SOX5: variants seen among roughly 807,000 people sequenced by gnomAD.
The protein encoded by SOX5 is SRY-box transcription factor 5, also known as transcription factor SOX-5.
In SOX5, 9 loss-of-function variants were observed where a neutral mutation model predicts 92.0. That is an observed-to-expected ratio of 0.10 (90% CI 0.06 to 0.17). The LOEUF (loss-of-function observed/expected upper bound fraction) is 0.17, where lower values mean the gene tolerates loss of function less well. Among genes scored for constraint, SOX5 ranks in the 10% least tolerant of loss-of-function variants. The pLI is 1.00. For synonymous variants in SOX5, 344 were observed against 336.3 expected, an observed-to-expected ratio of 1.02 and a Z score of -0.25; for missense variants, 642 against 944.5, an observed-to-expected ratio of 0.68 and a Z score of 4.20.
intron 3 of SOX5, among the ~76,000 whole-genome samples, chr12:24,220,205 G>A (rs61909893): frequency 0.13 from 19,234 of 151,732 alleles, 1,300 homozygotes; most frequent in African/African-American, 0.16. Flanking sequence ...ACTAGATATA[G>A]AAGATAGTAT....
Position 24,015,777 on chromosome 12 carries a change from G to T in SOX5, c.-1-119753C>A, listed in dbSNP as rs11047209. ...TGCAACTCTGACATCAAAAAAGGGC[G>T]CCCAAAAGGAGGACAGCTAGTTAAT... On this transcript the variant is annotated intron_variant, in intron 4 of 4. Transcript: ENST00000446891. Among the ~76,000 whole-genome samples, 17 of 151,950 alleles carry T rather than the reference G, an allele frequency of 1.1e-4. No homozygotes were observed. The South Asian group carries it at 3.5e-3, about 32-fold the overall frequency.
intron 1 of SOX5, among the ~76,000 whole-genome samples, chr12:23,899,431 A>T (rs1595486019): frequency 6.6e-6 from 1 of 151,794 alleles, no homozygotes; most frequent in East Asian, 1.9e-4. Context: ...AAGGCACCAC[A>T]AGTGTGCATA....
At position 24,025,274 on chromosome 12, in the gene SOX5, C is replaced by A. The variant is rs185328249; in HGVS notation, c.-1-129250G>T. The stretch of plus-strand genomic sequence containing the variant: ...GAAATACACAGATTGTAATCCAAAG[C>A]GGAGGCCACCAGAAATCTGAGATCC... On this transcript the variant is annotated intron_variant, in intron 4 of 4. Coordinates refer to the SOX5 transcript ENST00000446891. 1.2e-3 allele frequency among the ~76,000 whole-genome samples: 179 copies of A among 151,954 alleles called. 1 individual carries two copies. The highest frequency in any genetic ancestry group is 4.1e-3 in the African/African-American group (171 of 41,470).
rs1940500287 is a variant in SOX5 at position 23,536,478 on chromosome 12, C to T, written c.1963G>A (p.Glu655Lys). The T allele has an allele frequency of 6.2e-7, 1 of 1,614,082 alleles. No individual in the cohort carries two copies. The highest frequency in any genetic ancestry group is 8.5e-7 in the Non-Finnish European group (1 of 1,180,002). ...YKAIMRNRRQ[E>K]MRQYFNVGQQ... The stretch of plus-strand genomic sequence containing the variant: ...CCAACATTGAAGTACTGCCGCATTT[C>T]CTGCCGCCTGTTGCGCATGATTGCC... Residue 655 changes from glutamate (E) to lysine (K), a missense_variant, in exon 14 of 15, where the codon GAA (glutamate) becomes AAA (lysine). Coordinates refer to ENST00000451604, the MANE Select transcript of SOX5 (RefSeq NM_006940.6).
In SOX5 at chr12:23,949,577, G is replaced by C; in HGVS notation, c.25C>G (p.Gln9Glu). Residue 9 changes from glutamine (Q) to glutamate (E), a missense_variant, in exon 1 of 15, where the codon CAG (glutamine) becomes GAG (glutamate). By Grantham distance (29) the Gln-to-Glu change is conservative. Around this residue, in one of 8 missense-constraint regions of SOX5, gnomAD observed 113 missense variants for 117.7 expected, o/e 0.96. Coordinates refer to ENST00000451604, the MANE Select transcript of SOX5 (RefSeq NM_006940.6). MLTDPDLP[Q>E]EFERMSSKRP... ...AACTGTACTCACCTTTCAAACTCCTGAGGTAAATCAGGGTCAGTAAGCATG... is the reference window on the plus strand; with the variant it reads ...AACTGTACTCACCTTTCAAACTCCTCAGGTAAATCAGGGTCAGTAAGCATG... The C allele has an allele frequency of 6.2e-7, 1 of 1,613,686 alleles. No homozygotes were observed. Among genetic ancestry groups the C allele is most frequent in the Non-Finnish European group, 8.5e-7 (1 of 1,179,630 alleles).
chr12:24,337,958 GT>G (rs1952098536), intron 2 of SOX5, among the ~76,000 whole-genome samples: 1 of 152,058 alleles, frequency 6.6e-6, no homozygotes, highest in South Asian at 2.1e-4. Flanking sequence ...TAAAAGATGA[GT>G]TTTTCTTCTA....
At chr12:23,949,720 C>G (rs1945229349), upstream of SOX5, 19 of 1,258,532 alleles carry the variant, frequency 1.5e-5, no homozygotes, top group African/African-American at 1.0e-4. Flanking sequence ...TCTTCCCCCC[C>G]TCCCTCCCTC....
At position 24,450,492 on chromosome 12, in the gene SOX5, T is replaced by TGA. The variant is rs1202560792; in HGVS notation, c.-250-81854_-250-81853insTC. Reference sequence around the variant, plus strand: ...TTATTTTATTTATTTATTTATTTATTTATTTATTTATTTATTTATTGAGAC... The same window carrying TGA: ...TTATTTTATTTATTTATTTATTTATTGATATTTATTTATTTATTTATTGAGAC... On this transcript the variant is annotated intron_variant, in intron 1 of 4. Coordinates refer to the SOX5 transcript ENST00000446891. Among the ~76,000 whole-genome samples the TGA allele has an allele frequency of 4.0e-3, 601 of 151,294 alleles. 6 individuals are homozygous for TGA. The highest frequency in any genetic ancestry group is 0.014 in the African/African-American group (571 of 41,360).
At chr12:24,042,674 A>C (rs942608905) in intron 4 of SOX5, among the ~76,000 whole-genome samples, 5 of 152,128 alleles carry the variant, frequency 3.3e-5, no homozygotes, top group African/African-American at 1.2e-4. Context: ...ACAAAAAATT[A>C]CTTCCTTTTA....
At chr12:24,265,678 G>C (rs1230749777) in intron 3 of SOX5, among the ~76,000 whole-genome samples, 1 of 152,168 alleles carries the variant, frequency 6.6e-6, no homozygotes, top group African/African-American at 2.4e-5. Context: ...CAATTGAGAA[G>C]AATAAATTTT....
At chr12:23,998,514 G>A (rs1456952578) in intron 4 of SOX5, among the ~76,000 whole-genome samples, 2 of 151,898 alleles carry the variant, frequency 1.3e-5, no homozygotes, top group African/African-American at 2.4e-5. Flanking sequence ...AGGAAAAAAA[G>A]GGGCTAAAGG....
intron 4 of SOX5, among the ~76,000 whole-genome samples, chr12:24,068,747 T>TATATATATACAC (rs1405470591): frequency 1.4e-5 from 1 of 71,550 alleles, no homozygotes; most frequent in African/African-American, 5.3e-5. Context: ...TATATATATA[T>TATATATATACAC]ACACACACAC....
At chr12:23,563,223 G>A (rs1477099893) in intron 11 of SOX5, 35 bp downstream of exon 11, 4 of 1,522,576 alleles carry the variant, frequency 2.6e-6, no homozygotes, top group Admixed American at 1.9e-5. Flanking sequence ...ATTTAATTAA[G>A]TATTTCTAGA....
chr12:24,523,663 C>T (rs974511449), intron 1 of SOX5, among the ~76,000 whole-genome samples: 3 of 152,112 alleles, frequency 2.0e-5, no homozygotes, highest in Non-Finnish European at 2.9e-5. Flanking sequence ...TCAGAAAAAT[C>T]GTGCTGGGAA....
chr12:23,893,723 G>A (rs2097151406), intron 2 of SOX5, among the ~76,000 whole-genome samples: 1 of 152,128 alleles, frequency 6.6e-6, no homozygotes, highest in South Asian at 2.1e-4. Context: ...ATTAAAAGTG[G>A]AAAAGGCATA....
intron 8 of SOX5, among the ~76,000 whole-genome samples, chr12:23,627,437 C>A (rs746388826): frequency 6.6e-6 from 1 of 152,102 alleles, no homozygotes; most frequent in Non-Finnish European, 1.5e-5. Flanking sequence ...CTTTATACTG[C>A]AGAATATAAT....
intron 7 of SOX5, among the ~76,000 whole-genome samples, chr12:23,646,263 C>T (rs977893521): frequency 2.6e-5 from 4 of 152,166 alleles, no homozygotes; most frequent in Admixed American, 2.6e-4. Flanking sequence ...CATCCTTGAC[C>T]TCCTGGTCTC....
chr12:24,513,581 A>T (rs1190496680), intron 1 of SOX5, among the ~76,000 whole-genome samples: 1 of 152,202 alleles, frequency 6.6e-6, no homozygotes, highest in African/African-American at 2.4e-5. Context: ...TCTTTACATA[A>T]TTTGTTAATA....
chr12:24,223,514 G>A (rs1961038794), intron 3 of SOX5, among the ~76,000 whole-genome samples: 3 of 152,142 alleles, frequency 2.0e-5, no homozygotes, highest in Admixed American at 2.0e-4. Context: ...AGTACTTTGT[G>A]AGTCCAAGGC....
Sources: gnomAD v4.1 joint callset for allele counts (sites outside exome capture counted in the v4.1 genomes callset) on GRCh38, gnomAD v4.1.1 for gene constraint, gnomAD v4.1.1 regional missense constraint, MANE v1.5 for transcripts, NCBI Gene and HGNC (gene_info 2026-07-23, HGNC 2026-07-21) for gene names.